The following ASIC2 variants were observed in gnomAD, a reference collection of about 807,000 sequenced individuals.
ASIC2 encodes the protein acid sensing ion channel subunit 2.
Under a neutral mutation model 57.3 loss-of-function variants are expected in ASIC2, and 25 were observed. The ratio of observed to expected loss-of-function variants is 0.44; its 90% CI spans 0.32 to 0.61. The LOEUF is 0.61. ASIC2 is among the 20% of genes least tolerant of loss of function. The pLI is 0.06. For synonymous variants in ASIC2, 319 were observed against 307.5 expected (o/e 1.04, Z -0.39); for missense variants, 641 against 738.1 (o/e 0.87, Z 1.52).
intron 1 of ASIC2, among the ~76,000 whole-genome samples, chr17:33,380,732 C>T: frequency 6.6e-6 from 1 of 152,212 alleles, no homozygotes; most frequent in East Asian, 1.9e-4. Context: ...AGCCCTTGAA[C>T]TGCAGGAGGC....
intron 1 of ASIC2, among the ~76,000 whole-genome samples, chr17:33,846,104 A>G (rs1191473776): frequency 6.6e-6 from 1 of 152,230 alleles, no homozygotes; most frequent in African/African-American, 2.4e-5. Flanking sequence ...TATAAACAAA[A>G]TGAACAAGGG....
At chr17:33,858,942 G>T (rs1389774137) in intron 1 of ASIC2, among the ~76,000 whole-genome samples, 1 of 152,192 alleles carries the variant, frequency 6.6e-6, no homozygotes, top group Non-Finnish European at 1.5e-5. Flanking sequence ...AATTCCTCAA[G>T]GTCCCTTCAA....
intron 2 of ASIC2, among the ~76,000 whole-genome samples, chr17:33,098,997 A>AATATATATATATAAAAACAAAAT (rs752446421): frequency 1.3e-5 from 2 of 150,166 alleles, no homozygotes; most frequent in Admixed American, 6.7e-5. Flanking sequence ...ATAAAAACAA[A>AATATATATATATAAAAACAAAAT]ATATATATAT....
chr17:33,279,550 C>T (rs7211739), intron 1 of ASIC2, among the ~76,000 whole-genome samples: 30,064 of 151,860 alleles, frequency 0.2, 3,166 homozygotes, highest in Admixed American at 0.25. Flanking sequence ...ACGTGGAGCA[C>T]GAGAGAGAGG....
At chr17:33,499,861 G>A (rs1289001872) in intron 1 of ASIC2, among the ~76,000 whole-genome samples, 2 of 152,164 alleles carry the variant, frequency 1.3e-5, no homozygotes, top group East Asian at 1.9e-4. Flanking sequence ...TTGCCGAGAC[G>A]GAGAGAAAGA....
At chr17:34,092,486 G>A (rs1910368378) in intron 1 of ASIC2, among the ~76,000 whole-genome samples, 1 of 152,120 alleles carries the variant, frequency 6.6e-6, no homozygotes, top group South Asian at 2.1e-4. Context: ...CCAAGGGAGG[G>A]CTGAGTGGGA....
intron 1 of ASIC2, among the ~76,000 whole-genome samples, chr17:33,822,112 A>G (rs1472949014): frequency 6.6e-6 from 1 of 152,148 alleles, no homozygotes; most frequent in Admixed American, 6.5e-5. Context: ...GACATAACCT[A>G]CTTCCTGGGT....
intron 1 of ASIC2, among the ~76,000 whole-genome samples, chr17:33,397,230 G>A (rs534702390): frequency 1.1e-4 from 16 of 152,320 alleles, no homozygotes; most frequent in Non-Finnish European, 1.8e-4. Flanking sequence ...ACCCTAAAGA[G>A]GGTGGGATCA....
intron 1 of ASIC2, among the ~76,000 whole-genome samples, chr17:33,474,783 G>A (rs1486751382): frequency 6.6e-6 from 1 of 152,164 alleles, no homozygotes; most frequent in Non-Finnish European, 1.5e-5. Flanking sequence ...GTGGAGAGTG[G>A]GTTTGGAGGG....
intron 1 of ASIC2, among the ~76,000 whole-genome samples, chr17:33,550,843 G>T (rs1234671994): frequency 1.3e-5 from 2 of 152,182 alleles, no homozygotes; most frequent in Non-Finnish European, 2.9e-5. Flanking sequence ...TATAAGCATA[G>T]GGAAAGTGAT....
chr17:33,916,885 G>T (rs1915596327), intron 1 of ASIC2, among the ~76,000 whole-genome samples: 1 of 152,180 alleles, frequency 6.6e-6, no homozygotes, highest in African/African-American at 2.4e-5. Context: ...TTCCTCATCT[G>T]TAAATGGGGC....
At chr17:33,170,317 T>C (rs918386843) in intron 1 of ASIC2, among the ~76,000 whole-genome samples, 6 of 152,198 alleles carry the variant, frequency 3.9e-5, no homozygotes, top group South Asian at 2.1e-4. Context: ...TGATTACTTA[T>C]ATTACAAAAA....
chr17:33,054,439 C>G (rs1456291515), intron 3 of ASIC2, among the ~76,000 whole-genome samples: 1 of 152,208 alleles, frequency 6.6e-6, no homozygotes, highest in Non-Finnish European at 1.5e-5. Context: ...TGGCCTGCCT[C>G]TAAGGGCTTT....
intron 1 of ASIC2, among the ~76,000 whole-genome samples, chr17:34,075,670 G>A (rs1215493277): frequency 6.6e-6 from 1 of 151,618 alleles, no homozygotes; most frequent in Non-Finnish European, 1.5e-5. Flanking sequence ...GATATCCCCT[G>A]TTACTCTCTG....
intron 1 of ASIC2, among the ~76,000 whole-genome samples, chr17:34,087,637 T>C (rs1304930047): frequency 1.3e-5 from 2 of 152,148 alleles, no homozygotes; most frequent in African/African-American, 4.8e-5. Context: ...CAGAGTGTTT[T>C]CCAACTTGGT....
At chr17:33,625,613 G>C (rs1392255761) in intron 1 of ASIC2, among the ~76,000 whole-genome samples, 1 of 152,182 alleles carries the variant, frequency 6.6e-6, no homozygotes, top group Non-Finnish European at 1.5e-5. Context: ...ATTAAAACAT[G>C]GACCTATAGA....
chr17:33,905,175 G>T (rs1008162904), intron 1 of ASIC2, among the ~76,000 whole-genome samples: 4 of 108,998 alleles, frequency 3.7e-5, no homozygotes, highest in Non-Finnish European at 5.2e-5. Flanking sequence ...TCCACTTAGC[G>T]TTCTTGCCTT....
chr17:33,267,342 G>A (rs761383961), intron 1 of ASIC2, among the ~76,000 whole-genome samples: 2 of 152,172 alleles, frequency 1.3e-5, no homozygotes, highest in African/African-American at 4.8e-5. Context: ...AGCCCTTTGG[G>A]TTCCAGTTGA....
intron 1 of ASIC2, among the ~76,000 whole-genome samples, chr17:33,788,215 G>GA (rs968737914): frequency 1.0e-4 from 15 of 149,550 alleles, no homozygotes; most frequent in East Asian, 5.9e-4. Flanking sequence ...ATATTTACAA[G>GA]AAAAAAAAAC....
Sources: gnomAD v4.1 joint callset for allele counts (sites outside exome capture counted in the v4.1 genomes callset) on GRCh38, gnomAD v4.1.1 for gene constraint, MANE v1.5 for transcripts, NCBI Gene and HGNC (gene_info 2026-07-23, HGNC 2026-07-21) for gene names.